Variants in LRRC49 observed in about 807,000 individuals in gnomAD.
The protein encoded by LRRC49 is leucine rich repeat containing 49, also known as leucine-rich repeat-containing protein 49.
In LRRC49, 50 loss-of-function variants were observed where a neutral mutation model predicts 83.3. The ratio of observed to expected loss-of-function variants is 0.60; its 90% confidence interval spans 0.48 to 0.76. The LOEUF is 0.76. LRRC49 is among the 30% of genes least tolerant of loss of function. LRRC49 has a pLI of 0.00. For synonymous variants in LRRC49, 286 were observed against 283.3 expected, an observed-to-expected ratio of 1.01 and a Z score of -0.10; for missense variants, 704 against 809.1, an observed-to-expected ratio of 0.87 and a Z score of 1.58.
At chr15:70,907,983 T>G in intron 5 of LRRC49, 2 of 456,080 alleles carry the variant, frequency 4.4e-6, no homozygotes, top group Non-Finnish European at 8.8e-6. Context: ...CTGAATTCTT[T>G]AGAATTGGGT....
intron 8 of LRRC49, among the ~76,000 whole-genome samples, chr15:70,959,130 C>T (rs1179574260): frequency 6.6e-6 from 1 of 152,138 alleles, no homozygotes; most frequent in African/African-American, 2.4e-5. Context: ...ATGAGAATGA[C>T]TCTAATATAA....
intron 14 of LRRC49, 42 bp downstream of exon 14, chr15:71,012,955 C>A: frequency 1.6e-6 from 2 of 1,259,300 alleles, no homozygotes; most frequent in Non-Finnish European, 2.3e-6. Context: ...ATTACTGTTA[C>A]ACTAGAAAAA....
At chr15:70,883,302 C>T (rs2033315698) in intron 2 of LRRC49, among the ~76,000 whole-genome samples, 1 of 152,168 alleles carries the variant, frequency 6.6e-6, no homozygotes, top group South Asian at 2.1e-4. Flanking sequence ...AGTGATTCTC[C>T]TGCCTCAGCT....
intron 8 of LRRC49, among the ~76,000 whole-genome samples, chr15:70,949,579 G>A (rs560315652): frequency 3.7e-4 from 56 of 152,088 alleles, no homozygotes; most frequent in African/African-American, 1.3e-3. Flanking sequence ...GACCCCTCCC[G>A]TGGATACCAA....
chr15:70,903,385 T>G (rs2034166871), intron 4 of LRRC49, among the ~76,000 whole-genome samples: 1 of 152,080 alleles, frequency 6.6e-6, no homozygotes, highest in Admixed American at 6.5e-5. Flanking sequence ...AATTATAAAA[T>G]TAACCACACA....
At chr15:70,918,921 T>G in intron 6 of LRRC49, 129 bp from the exon 7 acceptor site, 1 of 650,766 alleles carries the variant, frequency 1.5e-6, no homozygotes, top group South Asian at 2.3e-5. Context: ...GAAAATAGAT[T>G]TTTAAATGTC....
chr15:70,914,349 G>A (rs1378138355), intron 6 of LRRC49, among the ~76,000 whole-genome samples: 1 of 151,978 alleles, frequency 6.6e-6, no homozygotes, highest in Non-Finnish European at 1.5e-5. Flanking sequence ...TACTTCTATT[G>A]GTAATAAAAA....
intron 3 of LRRC49, among the ~76,000 whole-genome samples, chr15:70,899,405 C>T (rs979031395): frequency 6.6e-6 from 1 of 151,550 alleles, no homozygotes; most frequent in African/African-American, 2.4e-5. Context: ...GTTTTTTTAA[C>T]CATCTTGACT....
rs2032746967 is a variant in LRRC49, at chr15:70,859,915, G to T, written c.-299+6446G>T. On this transcript the variant is annotated intron_variant, in intron 1 of 16. Coordinates refer to the LRRC49 transcript ENST00000544974. ...AGCTGCTGGAGGGTGAGGAGAGCCGGCTGGAGTCTGGGATGCAGAACATGA... is the reference window on the plus strand; with the variant it reads ...AGCTGCTGGAGGGTGAGGAGAGCCGTCTGGAGTCTGGGATGCAGAACATGA... 56 of 768,100 alleles carry T rather than the reference G, an allele frequency of 7.3e-5. 1 individual carries two copies. The highest frequency in any genetic ancestry group is 5.4e-4 in the South Asian group (40 of 74,488). 47.6% of individuals were successfully genotyped at this position (768,100 alleles called of 1,614,324 possible).
intron 2 of LRRC49, among the ~76,000 whole-genome samples, chr15:70,883,644 A>G (rs1343216127): frequency 7.1e-6 from 1 of 140,502 alleles, no homozygotes; most frequent in East Asian, 2.2e-4. Flanking sequence ...ACATTGTGAA[A>G]TGGAATTTTT....
chr15:70,928,966 G>A (rs2035312284), intron 7 of LRRC49, among the ~76,000 whole-genome samples: 3 of 152,272 alleles, frequency 2.0e-5, no homozygotes, highest in Admixed American at 1.3e-4. Context: ...GCTAGATATA[G>A]TATGGACCTT....
chr15:70,861,817 C>T (rs1020663351), intron 1 of LRRC49, among the ~76,000 whole-genome samples: 5 of 152,030 alleles, frequency 3.3e-5, no homozygotes, highest in African/African-American at 7.3e-5. Flanking sequence ...CCTAGCTACT[C>T]GGGAGGCCGA....
At chr15:70,957,097 T>TA (rs1277813972) in intron 8 of LRRC49, among the ~76,000 whole-genome samples, 1 of 152,216 alleles carries the variant, frequency 6.6e-6, no homozygotes, top group African/African-American at 2.4e-5. Flanking sequence ...TAAATGAAGA[T>TA]ACTGTTTAGT....
intron 15 of LRRC49, among the ~76,000 whole-genome samples, chr15:71,045,769 T>C (rs1039623822): frequency 4.6e-5 from 7 of 152,194 alleles, no homozygotes; most frequent in Non-Finnish European, 1.0e-4. Context: ...GAGTATTATG[T>C]GATGCTGGGG....
At chr15:70,899,048 A>G (rs1231758513) in intron 3 of LRRC49, among the ~76,000 whole-genome samples, 1 of 152,176 alleles carries the variant, frequency 6.6e-6, no homozygotes, top group African/African-American at 2.4e-5. Flanking sequence ...AGTATATCAC[A>G]TCGATAGTAA....
At chr15:70,970,516 A>G (rs1174581255) in intron 9 of LRRC49, among the ~76,000 whole-genome samples, 1 of 152,106 alleles carries the variant, frequency 6.6e-6, no homozygotes, top group Admixed American at 6.5e-5. Context: ...GTTAGGGAGG[A>G]GTCCCTCTTT....
upstream of LRRC49, chr15:70,892,328 C>G: frequency 6.5e-7 from 1 of 1,549,596 alleles, no homozygotes; most frequent in Non-Finnish European, 8.7e-7. Context: ...CCCTTGGGCA[C>G]GCTCCTCGCA....
At chr15:71,026,175 TTCTGCTCCTC>T (rs1465791411) in intron 14 of LRRC49, among the ~76,000 whole-genome samples, 1 of 152,136 alleles carries the variant, frequency 6.6e-6, no homozygotes, top group Non-Finnish European at 1.5e-5. Flanking sequence ...GTGTTTGGTT[TTCTGCTCCTC>T]TGTTGGTTTG....
intron 14 of LRRC49, among the ~76,000 whole-genome samples, chr15:71,028,297 A>G (rs1469266866): frequency 6.6e-6 from 1 of 152,194 alleles, no homozygotes; most frequent in Non-Finnish European, 1.5e-5. Context: ...GATAAAGCCA[A>G]CTTGATCATG....
Sources: gnomAD v4.1 joint callset for allele counts (sites outside exome capture counted in the v4.1 genomes callset) on GRCh38, gnomAD v4.1.1 for gene constraint, MANE v1.5 for transcripts, NCBI Gene and HGNC (gene_info 2026-07-23, HGNC 2026-07-21) for gene names.